NAALADL2: variants seen among roughly 807,000 people sequenced by gnomAD.
NAALADL2 encodes inactive N-acetylated-alpha-linked acidic dipeptidase-like protein 2.
Under a neutral mutation model 87.2 loss-of-function variants are expected in NAALADL2, and 76 were observed. That is an observed-to-expected ratio of 0.87 (90% confidence interval 0.72 to 1.05). The LOEUF (loss-of-function observed/expected upper bound fraction) is 1.05, where lower values mean the gene tolerates loss of function less well. Among genes scored for constraint, NAALADL2 ranks in the 50% least tolerant of loss-of-function variants. NAALADL2 has a pLI of 0.00. For missense variants in NAALADL2, 1,089 were observed against 945.8 expected, an observed-to-expected ratio of 1.15 and a Z score of -1.99; for synonymous variants, 354 against 331.0, an observed-to-expected ratio of 1.07 and a Z score of -0.75.
intron 11 of NAALADL2, among the ~76,000 whole-genome samples, chr3:175,728,276 A>G (rs966777979): frequency 6.6e-6 from 1 of 152,174 alleles, no homozygotes; most frequent in Non-Finnish European, 1.5e-5. Context: ...TAAAACAATT[A>G]GGGAGTTTGT....
At chr3:175,343,678 C>CTTTTTTTTTTTTTTTTTTTGTTTTTTTTA (rs1581505068) in intron 5 of NAALADL2, among the ~76,000 whole-genome samples, 1 of 49,148 alleles carries the variant, frequency 2.0e-5, no homozygotes, top group Admixed American at 2.4e-4. Flanking sequence ...TTTTTTTTTC[C>CTTTTTTTTTTTTTTTTTTTGTTTTTTTTA]CTTCCCACTG....
intron 1 of NAALADL2, among the ~76,000 whole-genome samples, chr3:175,091,583 A>C (rs995085033): frequency 3.3e-5 from 5 of 152,014 alleles, no homozygotes. Context: ...TTTGAGTTAA[A>C]ATATTATCAG....
At chr3:175,468,711 C>T (rs898330908) in intron 8 of NAALADL2, among the ~76,000 whole-genome samples, 4 of 151,852 alleles carry the variant, frequency 2.6e-5, no homozygotes, top group African/African-American at 4.8e-5. Flanking sequence ...TTAGAATAGA[C>T]TAGGCTTGTC....
chr3:175,165,617 C>T (rs1402769711), intron 2 of NAALADL2, among the ~76,000 whole-genome samples: 2 of 152,048 alleles, frequency 1.3e-5, no homozygotes, highest in Admixed American at 1.3e-4. Context: ...TTTAGCTTCC[C>T]CTCTTCAAAA....
At chr3:174,604,370 A>G (rs2108617774) in intron 2 of NAALADL2, among the ~76,000 whole-genome samples, 1 of 152,218 alleles carries the variant, frequency 6.6e-6, no homozygotes, top group East Asian at 1.9e-4. Flanking sequence ...TTTCTGATTT[A>G]AGTATAGTTA....
At chr3:175,706,596 A>G (rs1199053131) in intron 11 of NAALADL2, among the ~76,000 whole-genome samples, 1 of 152,166 alleles carries the variant, frequency 6.6e-6, no homozygotes, top group East Asian at 1.9e-4. Context: ...TACTGTACTT[A>G]CCAAAGGATC....
At chr3:175,576,994 G>T (rs1389638340) in intron 10 of NAALADL2, among the ~76,000 whole-genome samples, 1 of 152,202 alleles carries the variant, frequency 6.6e-6, no homozygotes, top group African/African-American at 2.4e-5. Flanking sequence ...CTCAACTTTA[G>T]ATATGCAATA....
intron 1 of NAALADL2, among the ~76,000 whole-genome samples, chr3:174,954,124 C>G (rs1740827903): frequency 6.6e-6 from 1 of 152,072 alleles, no homozygotes; most frequent in African/African-American, 2.4e-5. Flanking sequence ...GGCACATCCA[C>G]TGAAGGGGAT....
At position 175,425,828 on chromosome 3, in the gene NAALADL2, T is replaced by C. The variant is rs540977708; in HGVS notation, c.1091-21401T>C. ...ATATGTGGAGATACTCAAAGTACTATATTTGTTAGAATATAAATATATTTA... is the reference window on the plus strand; with the variant it reads ...ATATGTGGAGATACTCAAAGTACTACATTTGTTAGAATATAAATATATTTA... On this transcript the variant is annotated intron_variant, in intron 5 of 13. Coordinates refer to ENST00000454872, the MANE Select transcript of NAALADL2 (RefSeq NM_207015.3). 9.8e-5 allele frequency among the ~76,000 whole-genome samples: 15 copies of C among 152,294 alleles called. No individual in the cohort carries two copies. In the East Asian group the frequency reaches 2.9e-3, roughly 29 times the overall value.
intron 11 of NAALADL2, among the ~76,000 whole-genome samples, chr3:175,640,157 A>G (rs1239053662): frequency 1.3e-5 from 2 of 152,220 alleles, no homozygotes; most frequent in Non-Finnish European, 2.9e-5. Flanking sequence ...AAACCTCTCT[A>G]GATTACATTT....
chr3:175,255,456 A>T (rs1165967653), intron 3 of NAALADL2, among the ~76,000 whole-genome samples: 1 of 152,100 alleles, frequency 6.6e-6, no homozygotes, highest in Non-Finnish European at 1.5e-5. Flanking sequence ...ATTTGCCATG[A>T]CTAACTGTTT....
chr3:174,584,884 C>T (rs1200312092), intron 2 of NAALADL2, among the ~76,000 whole-genome samples: 1 of 152,156 alleles, frequency 6.6e-6, no homozygotes, highest in Non-Finnish European at 1.5e-5. Context: ...TCTTGATCAA[C>T]TTCACAATCT....
intron 2 of NAALADL2, among the ~76,000 whole-genome samples, chr3:174,699,894 A>G (rs1293267079): frequency 6.8e-6 from 1 of 147,540 alleles, no homozygotes; most frequent in African/African-American, 2.5e-5. Flanking sequence ...CTTTTGGGGA[A>G]TTACTGATCT....
At chr3:175,401,767 T>G (rs762329682) in intron 5 of NAALADL2, among the ~76,000 whole-genome samples, 21 of 152,160 alleles carry the variant, frequency 1.4e-4, no homozygotes, top group Non-Finnish European at 2.8e-4. Flanking sequence ...AGTGCATGAC[T>G]GTATTTATTA....
At chr3:175,014,273 C>A (rs868662618) in intron 1 of NAALADL2, among the ~76,000 whole-genome samples, 1 of 152,072 alleles carries the variant, frequency 6.6e-6, no homozygotes, top group Non-Finnish European at 1.5e-5. Flanking sequence ...GTATGGGTTA[C>A]TCTCTTATAT....
intron 2 of NAALADL2, among the ~76,000 whole-genome samples, chr3:174,671,124 A>G (rs991532970): frequency 1.3e-5 from 2 of 152,072 alleles, no homozygotes; most frequent in African/African-American, 4.8e-5. Flanking sequence ...AGGCTGTGGT[A>G]CCGTGAACCA....
intron 2 of NAALADL2, among the ~76,000 whole-genome samples, chr3:174,659,441 G>A (rs1332002426): frequency 6.6e-6 from 1 of 152,142 alleles, no homozygotes; most frequent in Non-Finnish European, 1.5e-5. Flanking sequence ...GAACTTACAA[G>A]ACTGAACCCT....
chr3:175,569,874 TTAA>T (rs1479365575), intron 9 of NAALADL2, among the ~76,000 whole-genome samples: 2 of 150,988 alleles, frequency 1.3e-5, no homozygotes, highest in Non-Finnish European at 2.9e-5. Flanking sequence ...TATATATACA[TTAA>T]TAACATAATT....
At chr3:175,458,707 T>C (rs1227976590) in intron 6 of NAALADL2, among the ~76,000 whole-genome samples, 1 of 151,914 alleles carries the variant, frequency 6.6e-6, no homozygotes, top group Non-Finnish European at 1.5e-5. Context: ...TGGAATATAT[T>C]TACTTAGGTA....
Sources: allele counts gnomAD v4.1 joint callset (sites outside exome capture counted in the v4.1 genomes callset), GRCh38; gene constraint gnomAD v4.1.1; transcripts MANE v1.5; gene names NCBI Gene and HGNC (gene_info 2026-07-23, HGNC 2026-07-21).